Variants in SMPD3 observed in about 807,000 individuals in gnomAD.
SMPD3 encodes the protein sphingomyelin phosphodiesterase 3.
SMPD3 carries 21 observed loss-of-function variants against 55.7 expected under a neutral mutation model. The ratio of observed to expected loss-of-function variants is 0.38; its 90% CI spans 0.27 to 0.54. The LOEUF (loss-of-function observed/expected upper bound fraction) is 0.54. Among genes scored for constraint, SMPD3 ranks in the 20% least tolerant of loss-of-function variants. The pLI is 0.80. For missense variants in SMPD3, 842 were observed against 899.6 expected, an observed-to-expected ratio of 0.94 and a Z score of 0.82; for synonymous variants, 457 against 404.3, an observed-to-expected ratio of 1.13 and a Z score of -1.56.
At position 68,372,329 on chromosome 16, in the gene SMPD3, A is replaced by T; in HGVS notation, c.-148T>A. ...TGCAACTCCGGCTGGTCAATGGCGA[A>T]TGTTGGCCAGCCGGTCATGGTTCAC... On this transcript the variant is annotated 5_prime_UTR_variant, in exon 3 of 9. Transcript: ENST00000219334. The T allele has an allele frequency of 9.5e-7, 1 of 1,053,198 alleles. No homozygotes were observed. Among genetic ancestry groups the T allele is most frequent in the South Asian group, 1.6e-5 (1 of 64,032 alleles). 65.2% of individuals were successfully genotyped at this position (1,053,198 alleles called of 1,614,324 possible). A position where few individuals can be genotyped will look rare whatever the true frequency, so the allele number is the denominator to read the frequency against.
rs1486816607 is a variant in SMPD3 at position 68,365,064 on chromosome 16, T to C, written c.1352A>G (p.Gln451Arg). ...GCAGGCGATGTACCCGACGATTCTT[T>C]GGTCCTGAGGTGTGCTTCCCACCTG... ...KVQVGSTPQD[Q>R]RIVGYIACTH... is the part of the protein sequence containing the mutation. The change falls in exon 4 of 9, where the codon CAA (glutamine) becomes CGA (arginine). Residue 451 changes from glutamine (Q) to arginine (R), a missense_variant. Coordinates refer to ENST00000219334, the MANE Select transcript of SMPD3 (RefSeq NM_018667.4). 7 of 1,614,000 alleles carry C rather than the reference T, an allele frequency of 4.3e-6. No individual in the cohort carries two copies. In the East Asian group the frequency reaches 8.9e-5, roughly 21 times the overall value.
At chr16:68,406,781 A>C (rs1175678585) in intron 1 of SMPD3, among the ~76,000 whole-genome samples, 1 of 152,184 alleles carries the variant, frequency 6.6e-6, no homozygotes, top group Non-Finnish European at 1.5e-5. Context: ...CCATTAGGAG[A>C]CACAAAAGAC....
chr16:68,447,784 A>G lies in SMPD3; in HGVS notation c.-269+569T>C, dbSNP rs542328641. Among the ~76,000 whole-genome samples, 60 of 148,036 alleles carry G rather than the reference A, an allele frequency of 4.1e-4. No homozygotes were observed. Among genetic ancestry groups the G allele is most frequent in the Admixed American group, 8.0e-4 (12 of 15,000 alleles). On this transcript the variant is annotated intron_variant, in intron 1 of 8. Coordinates refer to ENST00000219334, the MANE Select transcript of SMPD3 (RefSeq NM_018667.4). The surrounding 1 kb of genome is among the most constrained non-coding windows in gnomAD (Gnocchi z 5.1). ...TCGATCCTCCTCTTTACAAAACCCTAGGGCCAAGGGAGGAGGGGGGAATAG... is the reference window on the plus strand; with the variant it reads ...TCGATCCTCCTCTTTACAAAACCCTGGGGCCAAGGGAGGAGGGGGGAATAG...
intron 2 of SMPD3, among the ~76,000 whole-genome samples, chr16:68,373,425 C>T (rs1246785510): frequency 3.3e-5 from 5 of 152,222 alleles, no homozygotes; most frequent in Non-Finnish European, 5.9e-5. Context: ...CCTATAGAAG[C>T]GTAACCCAGA....
At chr16:68,417,791 A>G (rs889381557) in intron 1 of SMPD3, among the ~76,000 whole-genome samples, 1 of 151,998 alleles carries the variant, frequency 6.6e-6, no homozygotes, top group Admixed American at 6.6e-5. Flanking sequence ...GCTGCCTCAA[A>G]CCCTGCGTGG....
intron 6 of SMPD3, 108 bp downstream of exon 6, chr16:68,363,669 A>AT: frequency 1.4e-6 from 2 of 1,449,468 alleles, no homozygotes; most frequent in Non-Finnish European, 1.9e-6. Context: ...GGGCAGCTGA[A>AT]TGGGGCCCTT....
At chr16:68,365,631 T>C (rs1361145324) in intron 3 of SMPD3, among the ~76,000 whole-genome samples, 5 of 152,186 alleles carry the variant, frequency 3.3e-5, no homozygotes, top group African/African-American at 1.2e-4. Context: ...TGGTGAGTCA[T>C]CTGCTTTATA....
intron 1 of SMPD3, among the ~76,000 whole-genome samples, chr16:68,419,483 C>T (rs1184454145): frequency 6.6e-6 from 1 of 152,206 alleles, no homozygotes; most frequent in Non-Finnish European, 1.5e-5. Flanking sequence ...ACAATGTCCC[C>T]CTCAACGCCT....
At chr16:68,363,328 C>T (rs1193560205) in intron 7 of SMPD3, among the ~76,000 whole-genome samples, 168 bp downstream of exon 7, 1 of 152,214 alleles carries the variant, frequency 6.6e-6, no homozygotes, top group Non-Finnish European at 1.5e-5. Flanking sequence ...CTGCCTGGCC[C>T]AGCTCCCAGC....
At chr16:68,385,928 A>G (rs11862550) in intron 2 of SMPD3, among the ~76,000 whole-genome samples, 7,784 of 146,646 alleles carry the variant, frequency 0.053, 233 homozygotes, top group Middle Eastern at 0.13. Flanking sequence ...TAACATTAAA[A>G]AATGTGATTT....
intron 1 of SMPD3, among the ~76,000 whole-genome samples, chr16:68,427,089 G>A (rs1307344560): frequency 1.4e-5 from 2 of 145,592 alleles, no homozygotes; most frequent in African/African-American, 2.6e-5. Flanking sequence ...CTCCACCTCC[G>A]GGGTTCGAGC....
intron 1 of SMPD3, among the ~76,000 whole-genome samples, chr16:68,424,653 G>A (rs898060812): frequency 3.3e-5 from 5 of 152,192 alleles, no homozygotes; most frequent in African/African-American, 9.7e-5. Context: ...TTACTGTCTT[G>A]ATGACTCTAT....
At position 68,371,320 on chromosome 16, in the gene SMPD3, C is replaced by T; in HGVS notation, c.862G>A (p.Asp288Asn). The T allele has an allele frequency of 6.3e-7, 1 of 1,597,740 alleles. No homozygotes were observed. The highest frequency in any genetic ancestry group is 8.5e-7 in the Non-Finnish European group (1 of 1,178,518). Residue 288 changes from aspartate to asparagine, a missense_variant, in exon 3 of 9, where the codon GAT becomes AAT. By Grantham distance (23) the Asp-to-Asn change is conservative (BLOSUM62 1). This residue lies in a region of SMPD3 where 649 missense variants were observed against 643.6 expected (regional missense o/e 1.01). Transcript: ENST00000219334. ...QTPNHNQQDG[D>N]SGSLGSPSAS... ...GAGGGGCTGCCCAGGCTCCCTGAAT[C>T]CCCGTCCTGCTGATTATGGTTGGGC...
intron 3 of SMPD3, 146 bp downstream of exon 3, chr16:68,370,713 G>A: frequency 1.9e-6 from 2 of 1,062,130 alleles, no homozygotes; most frequent in Non-Finnish European, 2.7e-6. Flanking sequence ...CTGCTGTTTG[G>A]CTCCAGGAAA....
At chr16:68,423,448 G>C (rs1182252297) in intron 1 of SMPD3, among the ~76,000 whole-genome samples, 1 of 152,118 alleles carries the variant, frequency 6.6e-6, no homozygotes, top group Non-Finnish European at 1.5e-5. Flanking sequence ...TTTATAAGAG[G>C]AAGAGAGATC....
chr16:68,361,464 A>C (rs1262468870), intron 8 of SMPD3, 139 bp downstream of exon 8: 1 of 1,396,784 alleles, frequency 7.2e-7, no homozygotes, highest in Non-Finnish European at 9.9e-7. Flanking sequence ...CTGGGGCCCT[A>C]AGGGTCTGAG....
chr16:68,389,854 C>T (rs1244202611), intron 1 of SMPD3, among the ~76,000 whole-genome samples: 1 of 152,198 alleles, frequency 6.6e-6, no homozygotes, highest in East Asian at 1.9e-4. Context: ...GGTCCTGATC[C>T]AGACCTCAAG....
At position 68,396,101 on chromosome 16, in the gene SMPD3, C is replaced by G. The variant is rs189656325; in HGVS notation, c.-268-9442G>C. On this transcript the variant is annotated intron_variant, in intron 1 of 8. Transcript: ENST00000219334. ...CTGTCCAGAGTCAAGGCCAATTACT[C>G]CTAGTTCTTGAGTCCATTTCTAGTC... is the stretch of plus-strand genomic sequence containing the variant. Among the ~76,000 whole-genome samples, 57 of 152,298 alleles carry G rather than the reference C, an allele frequency of 3.7e-4. 1 individual carries two copies. In the East Asian group the frequency reaches 8.3e-3, roughly 22 times the overall value.
intron 2 of SMPD3, among the ~76,000 whole-genome samples, chr16:68,373,359 T>C (rs916002162): frequency 1.2e-4 from 19 of 152,262 alleles, no homozygotes; most frequent in Non-Finnish European, 2.1e-4. Context: ...AAAGACAAGC[T>C]TCTGGAGTGT....
Sources: allele counts gnomAD v4.1 joint callset (sites outside exome capture counted in the v4.1 genomes callset), GRCh38; gene constraint gnomAD v4.1.1; regional missense constraint gnomAD v4.1.1; non-coding constraint Gnocchi (gnomAD v3.1); transcripts MANE v1.5; gene names NCBI Gene and HGNC (gene_info 2026-07-23, HGNC 2026-07-21).